WNT6: variants seen among roughly 807,000 people sequenced by gnomAD.
WNT6 encodes the protein protein Wnt-6.
WNT6 carries 27 observed loss-of-function variants against 33.1 expected under a neutral mutation model. That is an observed-to-expected ratio of 0.82 (90% CI 0.60 to 1.12). The LOEUF is 1.12. Ranked by LOEUF, WNT6 falls within the 50% of genes most tolerant of loss-of-function variation. The pLI is 0.00. For synonymous variants in WNT6, 249 were observed against 242.8 expected (o/e 1.03, Z -0.24); for missense variants, 494 against 535.3 (o/e 0.92, Z 0.76).
chr2:218,865,136 AG>A (rs1219209987), intron 1 of WNT6, among the ~76,000 whole-genome samples: 1 of 152,156 alleles, frequency 6.6e-6, no homozygotes, highest in Non-Finnish European at 1.5e-5. Flanking sequence ...TGGTGGGGAG[AG>A]GTCAGCAGGA....
In WNT6 at chr2:218,873,792, G is replaced by A. The variant is rs977335454; in HGVS notation, c.1045G>A (p.Val349Ile). ...NCLCRFHWCC[V>I]VQCHRCRVRK... ...CCTGTGCCGCTTCCACTGGTGCTGC[G>A]TAGTACAGTGCCACCGCTGCCGTGT... Residue 349 changes from valine to isoleucine, a missense_variant, in exon 4 of 4, where the codon GTA (valine) becomes ATA (isoleucine). Coordinates refer to ENST00000233948, the MANE Select transcript of WNT6 (RefSeq NM_006522.4). This position sits in a 1 kb window ranked among gnomAD's most constrained non-coding sequence, Gnocchi z 6.1. The A allele has an allele frequency of 5.1e-6, 8 of 1,574,886 alleles. No homozygotes were observed. Among genetic ancestry groups the A allele is most frequent in the South Asian group, 1.1e-5 (1 of 87,302 alleles).
At chr2:218,863,908 G>A (rs141954773) in intron 1 of WNT6, among the ~76,000 whole-genome samples, 72 of 152,308 alleles carry the variant, frequency 4.7e-4, no homozygotes, top group African/African-American at 1.7e-3. Flanking sequence ...TCTCTCATTT[G>A]TAATCATATC....
chr2:218,862,522 T>TTTTAGTAGAGGTTTCACCATG (rs1393337494), intron 1 of WNT6, among the ~76,000 whole-genome samples: 1 of 149,480 alleles, frequency 6.7e-6, no homozygotes, highest in African/African-American at 2.5e-5. Context: ...GTTTTTGAAT[T>TTTTAGTAGAGGTTTCACCATG]TTTAGTAGAG....
chr2:218,859,834 C>G lies in WNT6; in HGVS notation c.-204C>G, dbSNP rs895287469. The stretch of plus-strand genomic sequence containing the variant: ...TCCCGAGCGAGCTCCGCAGGAGACA[C>G]AGGCGCTGGCTGCCCCGTCCGCTCT... On this transcript the variant is annotated 5_prime_UTR_variant, in exon 1 of 4. Transcript: ENST00000233948. 137 of 181,584 alleles carry G rather than the reference C, an allele frequency of 7.5e-4. 1 individual carries two copies. The highest frequency in any genetic ancestry group is 2.3e-3 in the Middle Eastern group (1 of 438). The allele number at this position is 181,584 out of a possible 1,614,324, so 11.2% of individuals were successfully genotyped here. A position where few individuals can be genotyped will look rare whatever the true frequency, so the allele number is the denominator to read the frequency against.
chr2:218,869,794 T>C lies in WNT6; in HGVS notation c.81-1233T>C, dbSNP rs1468919008. 4.6e-5 allele frequency among the ~76,000 whole-genome samples: 7 copies of C among 151,622 alleles called. No individual in the cohort carries two copies. In the South Asian group the frequency reaches 1.3e-3, roughly 27 times the overall value. On this transcript the variant is annotated intron_variant, in intron 1 of 3. Transcript: ENST00000233948. Reference sequence around the variant, plus strand: ...CCTTGGGCAGAACGAAGGCCAGGAGTTGAGGGATTTCTGGAAGTGCGTGAG... The same window carrying C: ...CCTTGGGCAGAACGAAGGCCAGGAGCTGAGGGATTTCTGGAAGTGCGTGAG...
In WNT6 at chr2:218,873,627, T is replaced by G; in HGVS notation, c.880T>G (p.Cys294Gly). The G allele has an allele frequency of 6.3e-7, 1 of 1,578,688 alleles. No homozygotes were observed. The highest frequency in any genetic ancestry group is 8.6e-7 in the Non-Finnish European group (1 of 1,169,586). The change falls in exon 4 of 4, where the codon TGC becomes GGC. Residue 294 changes from cysteine (C) to glycine (G), a missense_variant. Coordinates refer to ENST00000233948, the MANE Select transcript of WNT6 (RefSeq NM_006522.4). This position sits in a 1 kb window ranked among gnomAD's most constrained non-coding sequence, Gnocchi z 6.1. ...CTACGCCGCCGATTCGCCCGACTTCTGCGCCCCCAACCGACGCACCGGCTC... is the reference window on the plus strand; with the variant it reads ...CTACGCCGCCGATTCGCCCGACTTCGGCGCCCCCAACCGACGCACCGGCTC... ...LLYAADSPDF[C>G]APNRRTGSPG...
At chr2:218,872,704 C>T (rs577770789) in intron 3 of WNT6, among the ~76,000 whole-genome samples, 2 of 152,298 alleles carry the variant, frequency 1.3e-5, no homozygotes, top group African/African-American at 4.8e-5. Context: ...GACCCTGCTT[C>T]AGACAGTGAC....
chr2:218,873,400 C>A lies in WNT6; in HGVS notation c.653C>A (p.Thr218Lys). Residue 218 changes from threonine (T) to lysine (K), a missense_variant, in exon 4 of 4, where the codon ACG (threonine) becomes AAG (lysine). Physicochemically the swap from Thr to Lys is moderately conservative, Grantham distance 78. Transcript: ENST00000233948. This position sits in a 1 kb window ranked among gnomAD's most constrained non-coding sequence, Gnocchi z 6.1. ...CTCCCGCAGGCCGTGCGGAGCCACA[C>A]GCGCACCGAGTGCAAATGCCACGGG... ...EAGRLAVRSHTRTECKCHGLS... is the reference protein window; with the variant it reads ...EAGRLAVRSHKRTECKCHGLS... The A allele has an allele frequency of 1.3e-6, 2 of 1,536,202 alleles. No individual in the cohort carries two copies. Among genetic ancestry groups the A allele is most frequent in the African/African-American group, 1.4e-5 (1 of 73,026 alleles).
At chr2:218,864,414 C>T (rs1374219325) in intron 1 of WNT6, among the ~76,000 whole-genome samples, 2 of 152,114 alleles carry the variant, frequency 1.3e-5, no homozygotes, top group Non-Finnish European at 2.9e-5. Context: ...TGCCTGGCAC[C>T]ATGCCAGCTA....
chr2:218,872,699 T>C (rs1429056648), intron 3 of WNT6, among the ~76,000 whole-genome samples: 1 of 152,168 alleles, frequency 6.6e-6, no homozygotes, highest in African/African-American at 2.4e-5. Flanking sequence ...TCTTAGACCC[T>C]GCTTCAGACA....
chr2:218,869,990 C>G (rs773272768), intron 1 of WNT6, among the ~76,000 whole-genome samples: 51 of 152,186 alleles, frequency 3.4e-4, no homozygotes, highest in Non-Finnish European at 6.6e-4. Flanking sequence ...GAAGCCGAGG[C>G]AGGCAGATCA....
Position 218,871,895 on chromosome 2 carries a change from G to A in WNT6, c.636+76G>A, listed in dbSNP as rs1005372280. 1 of 1,235,740 alleles carries A rather than the reference G, an allele frequency of 8.1e-7. No individual in the cohort carries two copies. The highest frequency in any genetic ancestry group is 1.6e-5 in the South Asian group (1 of 60,700). 76.5% of individuals were successfully genotyped at this position (1,235,740 alleles called of 1,614,324 possible). ...GCAGGAGTGTGCTTGAGGAAGTGTT[G>A]GCAGGAGTGAGGGTGTGTAGGTGGA... On this transcript the variant is annotated intron_variant, in intron 3 of 3. Coordinates refer to ENST00000233948, the MANE Select transcript of WNT6 (RefSeq NM_006522.4). The surrounding 1 kb of genome is among the most constrained non-coding windows in gnomAD (Gnocchi z 6.4).
chr2:218,860,708 C>T (rs1944300428), intron 1 of WNT6, among the ~76,000 whole-genome samples: 2 of 152,180 alleles, frequency 1.3e-5, no homozygotes, highest in Non-Finnish European at 2.9e-5. Flanking sequence ...CCGGCCCTTC[C>T]AGACCTGGGG....
At chr2:218,868,112 A>G (rs548087267) in intron 1 of WNT6, among the ~76,000 whole-genome samples, 1 of 152,136 alleles carries the variant, frequency 6.6e-6, no homozygotes, top group Non-Finnish European at 1.5e-5. Context: ...ACTACTGCCC[A>G]TCCCTCCCCC....
chr2:218,871,465 G>A lies in WNT6; in HGVS notation c.302-20G>A. On this transcript the variant is annotated intron_variant, in intron 2 of 3. Coordinates refer to ENST00000233948, the MANE Select transcript of WNT6 (RefSeq NM_006522.4). This position sits in a 1 kb window ranked among gnomAD's most constrained non-coding sequence, Gnocchi z 6.4. ...CTGACCGCCCCAGCCCGCGCTGATT[G>A]CACCTGTCTGCATTCACAGACATTC... 7.5e-6 allele frequency: 12 copies of A among 1,595,386 alleles called. No individual in the cohort carries two copies. The highest frequency in any genetic ancestry group is 1.0e-5 in the Non-Finnish European group (12 of 1,178,140).
chr2:218,873,977 C>T lies in WNT6; in HGVS notation c.*132C>T. 9.7e-7 allele frequency: 1 copy of T among 1,032,084 alleles called. No homozygotes were observed. The highest frequency in any genetic ancestry group is 1.9e-5 in the South Asian group (1 of 52,818). The allele number at this position is 1,032,084 out of a possible 1,614,324, so 63.9% of individuals were successfully genotyped here. On this transcript the variant is annotated 3_prime_UTR_variant, in exon 4 of 4. Coordinates refer to ENST00000233948, the MANE Select transcript of WNT6 (RefSeq NM_006522.4). This position sits in a 1 kb window ranked among gnomAD's most constrained non-coding sequence, Gnocchi z 6.1. ...CTGCCAAAGCCCAACTCCCAGGGCT[C>T]TGGAAATGGTGAGGCGAGGGGCTTG... is the stretch of plus-strand genomic sequence containing the variant.
rs1418728580 is a variant in WNT6, at chr2:218,873,513, G to A, written c.766G>A (p.Gly256Ser). 4.6e-6 allele frequency: 7 copies of A among 1,538,358 alleles called. No individual in the cohort carries two copies. Among genetic ancestry groups the A allele is most frequent in the Non-Finnish European group, 6.1e-6 (7 of 1,146,446 alleles). The change falls in exon 4 of 4, where the codon GGC becomes AGC. Residue 256 changes from glycine (G) to serine (S), a missense_variant. By Grantham distance (56) the Gly-to-Ser change is moderately conservative. Transcript: ENST00000233948. This position sits in a 1 kb window ranked among gnomAD's most constrained non-coding sequence, Gnocchi z 6.1. ...CGCGCGGCTGCTGGAGCGCTTCCAC[G>A]GCGCCTCACGCGTCATGGGCACCAA... The part of the protein sequence containing the change: ...VGARLLERFH[G>S]ASRVMGTNDG...
rs1043256725 is a variant in WNT6, at chr2:218,867,490, C to T, written c.81-3537C>T. On this transcript the variant is annotated intron_variant, in intron 1 of 3. Transcript: ENST00000233948. The surrounding 1 kb of genome is among the most constrained non-coding windows in gnomAD (Gnocchi z 4.9). ...GGCAATTGATCCTACCAACCATGGT[C>T]CTTGGTAGAGAGACCTTGGCGCAGG... Among the ~76,000 whole-genome samples, 8 of 152,198 alleles carry T rather than the reference C, an allele frequency of 5.3e-5. No homozygotes were observed. The highest frequency in any genetic ancestry group is 8.8e-5 in the Non-Finnish European group (6 of 68,040).
intron 3 of WNT6, among the ~76,000 whole-genome samples, chr2:218,872,248 A>G (rs1005906610): frequency 2.0e-5 from 3 of 152,156 alleles, no homozygotes; most frequent in African/African-American, 7.2e-5. Flanking sequence ...ATAGAAGCTA[A>G]TGCAAGGTCT....
Sources: gnomAD v4.1 joint callset for allele counts (sites outside exome capture counted in the v4.1 genomes callset) on GRCh38, gnomAD v4.1.1 for gene constraint, Gnocchi (gnomAD v3.1) non-coding constraint, MANE v1.5 for transcripts, NCBI Gene and HGNC (gene_info 2026-07-23, HGNC 2026-07-21) for gene names.